VAV2: variants seen among roughly 807,000 people sequenced by gnomAD.
The protein encoded by VAV2 is guanine nucleotide exchange factor VAV2.
Under a neutral mutation model 132.5 loss-of-function variants are expected in VAV2, and 67 were observed. That is an observed-to-expected ratio of 0.51 (90% confidence interval 0.42 to 0.62). VAV2 has a LOEUF of 0.62. VAV2 is among the 20% of genes least tolerant of loss of function. The pLI is 0.00. For missense variants in VAV2, 938 were observed against 1,153.6 expected (o/e 0.81, Z 2.71); for synonymous variants, 492 against 443.5 (o/e 1.11, Z -1.37).
intron 2 of VAV2, among the ~76,000 whole-genome samples, chr9:133,917,059 G>A (rs769841022): frequency 7.9e-5 from 12 of 152,122 alleles, no homozygotes; most frequent in Non-Finnish European, 1.3e-4. Context: ...TCCCACCCTG[G>A]GTTTTCCTCT....
intron 1 of VAV2, among the ~76,000 whole-genome samples, chr9:133,987,087 C>T (rs1295258718): frequency 2.0e-5 from 3 of 151,590 alleles, no homozygotes; most frequent in Non-Finnish European, 2.9e-5. Flanking sequence ...CTGAGGGACC[C>T]AGAGAGGAGG....
At position 133,824,503 on chromosome 9, in the gene VAV2, G is replaced by C. The variant is rs1425499179; in HGVS notation, c.449+9769C>G. Among the ~76,000 whole-genome samples the C allele has an allele frequency of 1.3e-5, 2 of 152,200 alleles. No individual in the cohort carries two copies. On this transcript the variant is annotated intron_variant, in intron 4 of 29. Coordinates refer to ENST00000371850, the MANE Select transcript of VAV2 (RefSeq NM_001134398.2). This position sits in a 1 kb window ranked among gnomAD's most constrained non-coding sequence, Gnocchi z 5.2. ...GTGACTGGCCTGGCACAGGGGGTAA[G>C]AGCAGGTTTCCTAAATCACACTTTG...
At chr9:133,881,853 C>T (rs1010168515) in intron 2 of VAV2, among the ~76,000 whole-genome samples, 1 of 152,228 alleles carries the variant, frequency 6.6e-6, no homozygotes, top group South Asian at 2.1e-4. Context: ...GCTGGCATCA[C>T]GGCAACACTG....
intron 2 of VAV2, among the ~76,000 whole-genome samples, chr9:133,911,594 A>G (rs186953330): frequency 6.6e-6 from 1 of 152,034 alleles, no homozygotes; most frequent in Non-Finnish European, 1.5e-5. Flanking sequence ...CCCACTGGTG[A>G]CCCCCCACTG....
intron 2 of VAV2, among the ~76,000 whole-genome samples, chr9:133,878,238 G>A (rs1183461160): frequency 6.6e-6 from 1 of 152,242 alleles, no homozygotes; most frequent in Non-Finnish European, 1.5e-5. Flanking sequence ...CAGAGGCCAG[G>A]GACAGGTTGC....
intron 2 of VAV2, among the ~76,000 whole-genome samples, chr9:133,916,997 A>G (rs1840115205): frequency 6.6e-6 from 1 of 152,200 alleles, no homozygotes; most frequent in Non-Finnish European, 1.5e-5. Context: ...ACACTCAGCA[A>G]GGACTAATAA....
At position 133,981,847 on chromosome 9, in the gene VAV2, G is replaced by C. The variant is rs571136618; in HGVS notation, c.204+10228C>G. Among the ~76,000 whole-genome samples the C allele has an allele frequency of 4.6e-5, 7 of 152,354 alleles. No homozygotes were observed. In the East Asian group the frequency reaches 1.4e-3, roughly 29 times the overall value. On this transcript the variant is annotated intron_variant, in intron 1 of 29. Coordinates refer to ENST00000371850, the MANE Select transcript of VAV2 (RefSeq NM_001134398.2). ...CGGCCTCTGTCAGGAAAATGGGGCT[G>C]AGAGCAAAGCCCCCTCTAGACTGCC...
intron 2 of VAV2, among the ~76,000 whole-genome samples, chr9:133,890,965 G>A (rs1838907640): frequency 6.6e-6 from 1 of 152,228 alleles, no homozygotes; most frequent in East Asian, 1.9e-4. Context: ...TTTCACACCT[G>A]ATAAACAAAA....
At chr9:133,845,256 G>A (rs754601593) in intron 3 of VAV2, among the ~76,000 whole-genome samples, 6 of 152,360 alleles carry the variant, frequency 3.9e-5, no homozygotes, top group East Asian at 1.9e-4. Flanking sequence ...CTGAATCCAC[G>A]GGCTGGATGG....
chr9:133,777,298 A>G, intron 23 of VAV2, 91 bp downstream of exon 23: 1 of 1,385,332 alleles, frequency 7.2e-7, no homozygotes. Flanking sequence ...TGTCCTGAAC[A>G]AGCCAAAAAT....
chr9:133,892,899 T>A (rs1360884927), intron 2 of VAV2, among the ~76,000 whole-genome samples: 2 of 152,166 alleles, frequency 1.3e-5, no homozygotes, highest in African/African-American at 4.8e-5. Context: ...GCGGTCTCCA[T>A]CCACGGGGAA....
At chr9:133,779,995 C>G (rs751335738) in intron 20 of VAV2, 56 bp from the exon 21 acceptor site, 75 of 1,606,914 alleles carry the variant, frequency 4.7e-5, no homozygotes, top group Non-Finnish European at 6.8e-6. Context: ...TTGACTGTGG[C>G]CCATGCATCA....
intron 2 of VAV2, among the ~76,000 whole-genome samples, chr9:133,914,942 C>T (rs1038857043): frequency 3.3e-5 from 5 of 150,166 alleles, no homozygotes; most frequent in South Asian, 4.3e-4. Context: ...GTCCACTCAG[C>T]GCCACACCAG....
In VAV2 at chr9:133,950,946, G is replaced by A. The variant is rs368174986; in HGVS notation, c.205-11727C>T. Among the ~76,000 whole-genome samples, 53 of 152,268 alleles carry A rather than the reference G, an allele frequency of 3.5e-4. 1 individual carries two copies. The highest frequency in any genetic ancestry group is 1.2e-3 in the African/African-American group (49 of 41,550). On this transcript the variant is annotated intron_variant, in intron 1 of 29. Coordinates refer to ENST00000371850, the MANE Select transcript of VAV2 (RefSeq NM_001134398.2). ...CCAGACGGACCCAAGCAGAGGGCGCGATTCTTCCCGTTCCCCCACCACCCA... is the reference window on the plus strand; with the variant it reads ...CCAGACGGACCCAAGCAGAGGGCGCAATTCTTCCCGTTCCCCCACCACCCA...
intron 1 of VAV2, among the ~76,000 whole-genome samples, chr9:133,963,991 G>A (rs1842044088): frequency 7.3e-6 from 1 of 136,490 alleles, no homozygotes. Context: ...GTGATAAGAA[G>A]ACTAGTAAAC....
At chr9:133,828,695 G>A (rs1413291699) in intron 4 of VAV2, among the ~76,000 whole-genome samples, 1 of 152,216 alleles carries the variant, frequency 6.6e-6, no homozygotes, top group Non-Finnish European at 1.5e-5. Context: ...CTCCCTGTGA[G>A]TCCCCGGGGA....
rs57050678 is a variant in VAV2, at chr9:133,923,705, G to A, written c.321+15398C>T. Among the ~76,000 whole-genome samples, 745 of 152,174 alleles carry A rather than the reference G, an allele frequency of 4.9e-3. 6 individuals carry two copies. Among genetic ancestry groups the A allele is most frequent in the African/African-American group, 0.017 (699 of 41,510 alleles). On this transcript the variant is annotated intron_variant, in intron 2 of 29. Transcript: ENST00000371850. ...ACACATGCACATGTATATTTATTGCGGCACTATTCACAATAGCAAGGACTT... is the reference window on the plus strand; with the variant it reads ...ACACATGCACATGTATATTTATTGCAGCACTATTCACAATAGCAAGGACTT...
At position 133,834,536 on chromosome 9, in the gene VAV2, A is replaced by G. The variant is rs1836388246; in HGVS notation, c.381-196T>C. ...CGAGCCAACTGGGCCATAGGGCAAGAGGAGACCCATGCCTACTTGCCAGGG... is the reference window on the plus strand; with the variant it reads ...CGAGCCAACTGGGCCATAGGGCAAGGGGAGACCCATGCCTACTTGCCAGGG... On this transcript the variant is annotated intron_variant, in intron 3 of 29. Coordinates refer to ENST00000371850, the MANE Select transcript of VAV2 (RefSeq NM_001134398.2). The surrounding 1 kb of genome is among the most constrained non-coding windows in gnomAD (Gnocchi z 5.9). 6.6e-6 allele frequency among the ~76,000 whole-genome samples: 1 copy of G among 152,254 alleles called. No homozygotes were observed. The highest frequency in any genetic ancestry group is 1.5e-5 in the Non-Finnish European group (1 of 68,046).
intron 1 of VAV2, among the ~76,000 whole-genome samples, chr9:133,960,175 G>C (rs977241112): frequency 6.6e-5 from 10 of 152,198 alleles, no homozygotes; most frequent in Non-Finnish European, 1.3e-4. Flanking sequence ...AACCAAGCTG[G>C]GGCCGACAGT....
Sources: gnomAD v4.1 joint callset for allele counts (sites outside exome capture counted in the v4.1 genomes callset) on GRCh38, gnomAD v4.1.1 for gene constraint, Gnocchi (gnomAD v3.1) non-coding constraint, MANE v1.5 for transcripts, NCBI Gene and HGNC (gene_info 2026-07-23, HGNC 2026-07-21) for gene names.